Variants in ZDHHC21 observed in about 807,000 individuals in gnomAD.
The protein encoded by ZDHHC21 is zDHHC palmitoyltransferase 21.
A neutral mutation model predicts 34.6 loss-of-function variants in ZDHHC21; 15 were observed. The ratio of observed to expected loss-of-function variants is 0.43; its 90% CI spans 0.29 to 0.67. ZDHHC21 has a LOEUF of 0.67. Ranked by LOEUF, ZDHHC21 falls within the 30% of genes least tolerant of loss-of-function variation. The pLI is 0.14. For missense variants in ZDHHC21, 344 were observed against 327.7 expected, an observed-to-expected ratio of 1.05 and a Z score of -0.38; for synonymous variants, 142 against 101.8, an observed-to-expected ratio of 1.40 and a Z score of -2.38.
chr9:14,691,633 C>T (rs1219432723), intron 1 of ZDHHC21, among the ~76,000 whole-genome samples: 1 of 152,140 alleles, frequency 6.6e-6, no homozygotes, highest in Non-Finnish European at 1.5e-5. Flanking sequence ...TGACACGGTC[C>T]TCATCATTTT....
intron 8 of ZDHHC21, among the ~76,000 whole-genome samples, chr9:14,632,184 G>C (rs1264335640): frequency 1.3e-5 from 2 of 152,004 alleles, no homozygotes; most frequent in Non-Finnish European, 2.9e-5. Context: ...CAGTAAAAAT[G>C]TATCAAAACT....
At chr9:14,619,726 A>G in intron 8 of ZDHHC21, 44 bp from the exon 9 acceptor site, 1 of 1,135,936 alleles carries the variant, frequency 8.8e-7, no homozygotes, top group Non-Finnish European at 1.2e-6. Context: ...GAAAGTTATT[A>G]AGTCTTTATT....
chr9:14,604,923 GACT>G, the ZDHHC21 span, among the ~76,000 whole-genome samples: 2 of 152,062 alleles, frequency 1.3e-5, no homozygotes, highest in Admixed American at 6.6e-5. Context: ...CTATAAGTTT[GACT>G]ACATTAGATA....
chr9:14,671,143 T>C (rs1835370361), intron 5 of ZDHHC21, among the ~76,000 whole-genome samples: 1 of 152,060 alleles, frequency 6.6e-6, no homozygotes, highest in South Asian at 2.1e-4. Context: ...ACTCCATGAC[T>C]GAGGCTGTTT....
At position 14,612,079 on chromosome 9, in the gene ZDHHC21, T is replaced by G. The variant is rs1823393987; in HGVS notation, c.*6887A>C. ...AATCTAGGGAATATTGTTGGCAGATTAGAGAGAGATAATGTTGCTTCATCT... is the reference window on the plus strand; with the variant it reads ...AATCTAGGGAATATTGTTGGCAGATGAGAGAGAGATAATGTTGCTTCATCT... On this transcript the variant is annotated 3_prime_UTR_variant, in exon 10 of 10. Transcript: ENST00000380916. 2 of 151,966 alleles carry G rather than the reference T, an allele frequency of 1.3e-5. No individual in the cohort carries two copies. Among genetic ancestry groups the G allele is most frequent in the Non-Finnish European group, 2.9e-5 (2 of 67,940 alleles). 9.4% of individuals were successfully genotyped at this position (151,966 alleles called of 1,614,324 possible). A position where few individuals can be genotyped will look rare whatever the true frequency, so the allele number is the denominator to read the frequency against.
At chr9:14,593,864 C>T in the ZDHHC21 span, 1 of 152,340 alleles carries the variant, frequency 6.6e-6, no homozygotes, top group African/African-American at 2.4e-5. Flanking sequence ...ACCACCTGGT[C>T]TCTGCAGAGA....
intron 7 of ZDHHC21, among the ~76,000 whole-genome samples, chr9:14,648,590 A>G (rs1268714349): frequency 1.3e-5 from 2 of 152,092 alleles, no homozygotes; most frequent in Non-Finnish European, 1.5e-5. Context: ...TTCCTTGACT[A>G]TATCCACCCC....
the ZDHHC21 span, among the ~76,000 whole-genome samples, chr9:14,605,735 G>A: frequency 2.4e-3 from 368 of 152,178 alleles, 1 homozygote; most frequent in Non-Finnish European, 3.7e-3. Flanking sequence ...TTGTGCTTTT[G>A]GTGTTATCTC....
intron 2 of ZDHHC21, among the ~76,000 whole-genome samples, chr9:14,685,030 T>G (rs1224302394): frequency 6.6e-6 from 1 of 152,224 alleles, no homozygotes; most frequent in Non-Finnish European, 1.5e-5. Context: ...ATCCCTTCCT[T>G]AAGCCTTATA....
intron 4 of ZDHHC21, among the ~76,000 whole-genome samples, 158 bp downstream of exon 4, chr9:14,674,029 T>G (rs1259104492): frequency 6.6e-6 from 1 of 152,054 alleles, no homozygotes. Flanking sequence ...AAGGCCATTA[T>G]TTCCATAAGT....
At chr9:14,648,145 C>G (rs533487890) in intron 7 of ZDHHC21, among the ~76,000 whole-genome samples, 1 of 152,258 alleles carries the variant, frequency 6.6e-6, no homozygotes, top group South Asian at 2.1e-4. Context: ...TTCTATCTCA[C>G]AGCCCACATT....
chr9:14,649,450 G>C (rs1201684322), intron 7 of ZDHHC21, among the ~76,000 whole-genome samples: 1 of 151,952 alleles, frequency 6.6e-6, no homozygotes, highest in African/African-American at 2.4e-5. Flanking sequence ...CATGATACCT[G>C]TATGGGTATG....
At chr9:14,608,315 G>A (rs1264042745), downstream of ZDHHC21, among the ~76,000 whole-genome samples, 2 of 152,048 alleles carry the variant, frequency 1.3e-5, no homozygotes, top group African/African-American at 4.8e-5. Context: ...TTGGGGAGGA[G>A]GGAACATGTC....
chr9:14,653,067 A>G (rs989890994), intron 7 of ZDHHC21, among the ~76,000 whole-genome samples: 4 of 151,960 alleles, frequency 2.6e-5, no homozygotes, highest in African/African-American at 9.7e-5. Context: ...TACTCCCACA[A>G]AAAATATGTA....
At chr9:14,686,800 C>T (rs770664831) in intron 2 of ZDHHC21, among the ~76,000 whole-genome samples, 3 of 150,170 alleles carry the variant, frequency 2.0e-5, no homozygotes, top group Non-Finnish European at 2.9e-5. Context: ...TGGGAAAACC[C>T]TGTCTCCACT....
At chr9:14,644,991 CAA>C (rs1371409932) in intron 7 of ZDHHC21, among the ~76,000 whole-genome samples, 1 of 151,984 alleles carries the variant, frequency 6.6e-6, no homozygotes, top group Non-Finnish European at 1.5e-5. Flanking sequence ...CTCGACAGGG[CAA>C]GTTTTGCTCC....
intron 7 of ZDHHC21, among the ~76,000 whole-genome samples, chr9:14,646,118 T>C (rs1342285961): frequency 6.6e-6 from 1 of 152,138 alleles, no homozygotes; most frequent in Non-Finnish European, 1.5e-5. Flanking sequence ...AATAGCATTA[T>C]TTATAACCTC....
the ZDHHC21 span, among the ~76,000 whole-genome samples, chr9:14,594,503 T>G: frequency 0.09 from 13,660 of 152,234 alleles, 670 homozygotes; most frequent in Non-Finnish European, 0.1. Context: ...ATTATCTATA[T>G]GTAACGAAAC....
intron 7 of ZDHHC21, among the ~76,000 whole-genome samples, chr9:14,643,186 T>C (rs770253991): frequency 1.1e-4 from 16 of 152,138 alleles, no homozygotes; most frequent in Admixed American, 2.0e-4. Context: ...AGGTGGAGGT[T>C]GCAGTGAGCC....
Sources: allele counts gnomAD v4.1 joint callset (sites outside exome capture counted in the v4.1 genomes callset), GRCh38; gene constraint gnomAD v4.1.1; transcripts MANE v1.5; gene names NCBI Gene and HGNC (gene_info 2026-07-23, HGNC 2026-07-21).